The following TCERG1L variants were observed in gnomAD, a reference collection of about 807,000 sequenced individuals.
The protein encoded by TCERG1L is transcription elongation regulator 1-like protein.
In TCERG1L, 37 loss-of-function variants were observed where a neutral mutation model predicts 56.3. That is an observed-to-expected ratio of 0.66 (90% CI 0.51 to 0.87). The LOEUF (loss-of-function observed/expected upper bound fraction) is 0.87, where lower values mean the gene tolerates loss of function less well. Ranked by LOEUF, TCERG1L falls within the 40% of genes least tolerant of loss-of-function variation. The pLI is 0.00. For missense variants in TCERG1L, 799 were observed against 774.2 expected (o/e 1.03, Z -0.38); for synonymous variants, 324 against 326.3 (o/e 0.99, Z 0.08).
intron 4 of TCERG1L, among the ~76,000 whole-genome samples, chr10:131,243,147 G>A (rs1845992174): frequency 2.0e-5 from 3 of 152,176 alleles, no homozygotes; most frequent in South Asian, 2.1e-4. Context: ...TCGCCTGCAC[G>A]ATAATAACAA....
intron 4 of TCERG1L, among the ~76,000 whole-genome samples, chr10:131,236,979 C>G (rs1845919574): frequency 6.6e-6 from 1 of 152,018 alleles, no homozygotes; most frequent in African/African-American, 2.4e-5. Flanking sequence ...CCATGGTGCC[C>G]CTTTGCTCCA....
At chr10:131,241,968 G>C (rs1845978982) in intron 4 of TCERG1L, among the ~76,000 whole-genome samples, 1 of 152,060 alleles carries the variant, frequency 6.6e-6, no homozygotes, top group Admixed American at 6.6e-5. Flanking sequence ...GATTTTAAAA[G>C]GTAGTAGAGC....
chr10:131,299,731 T>C (rs1289419579), intron 3 of TCERG1L, among the ~76,000 whole-genome samples: 1 of 152,114 alleles, frequency 6.6e-6, no homozygotes, highest in Admixed American at 6.5e-5. Context: ...CTTCAAAAGG[T>C]ATAAAGTATG....
chr10:131,213,023 CCT>C (rs1395642084), intron 4 of TCERG1L, among the ~76,000 whole-genome samples: 3 of 152,178 alleles, frequency 2.0e-5, no homozygotes, highest in African/African-American at 7.2e-5. Context: ...TGAAAATGAC[CCT>C]CTCTGCCCCA....
intron 4 of TCERG1L, among the ~76,000 whole-genome samples, chr10:131,214,552 G>C (rs376792236): frequency 5.9e-5 from 9 of 152,368 alleles, no homozygotes; most frequent in African/African-American, 2.2e-4. Context: ...TGAGTGTTAA[G>C]AGGAAAATAG....
intron 9 of TCERG1L, among the ~76,000 whole-genome samples, chr10:131,112,525 C>A (rs1845421929): frequency 7.0e-6 from 1 of 142,474 alleles, no homozygotes; most frequent in Non-Finnish European, 1.6e-5. Context: ...CGGCCCTCTT[C>A]TCCTGGCCTC....
chr10:131,167,031 C>A, intron 4 of TCERG1L, 146 bp from the exon 5 acceptor site: 1 of 690,974 alleles, frequency 1.4e-6, no homozygotes, highest in Non-Finnish European at 2.4e-6. Context: ...ATTGCCCTGT[C>A]CTTGGGTTGA....
At chr10:131,169,050 G>C (rs10829940) in intron 4 of TCERG1L, among the ~76,000 whole-genome samples, 65,461 of 152,042 alleles carry the variant, frequency 0.43, 16,311 homozygotes, top group East Asian at 0.7. Flanking sequence ...CTCAGGAAGA[G>C]AAGCAGAGTC....
In TCERG1L at chr10:131,260,327, C is replaced by G. The variant is rs1443021211; in HGVS notation, c.788G>C (p.Ser263Thr). 3.4e-6 allele frequency: 5 copies of G among 1,460,488 alleles called. No homozygotes were observed. Among genetic ancestry groups the G allele is most frequent in the Non-Finnish European group, 4.5e-6 (5 of 1,109,034 alleles). The allele number at this position is 1,460,488 out of a possible 1,614,324, so 90.5% of individuals were successfully genotyped here. ...PENLRGPSPSSVQPRHFLTLA... is the reference protein window; with the variant it reads ...PENLRGPSPSTVQPRHFLTLA... ...GGTCAGGAAGTGGCGCGGCTGCACG[C>G]TGGAGGGGGACGGGCCCCGGAGGTT... Residue 263 changes from serine (S) to threonine (T), a missense_variant, in exon 4 of 12, where the codon AGC (serine) becomes ACC (threonine). By Grantham distance (58) the Ser-to-Thr change is moderately conservative. Transcript: ENST00000368642. This position sits in a 1 kb window ranked among gnomAD's most constrained non-coding sequence, Gnocchi z 5.8.
chr10:131,161,468 C>T (rs952935194), intron 6 of TCERG1L: 6 of 152,214 alleles, frequency 3.9e-5, no homozygotes, highest in African/African-American at 1.4e-4. Flanking sequence ...GCTTCCCAAA[C>T]TCTTAGAATT....
intron 4 of TCERG1L, among the ~76,000 whole-genome samples, chr10:131,171,832 A>G (rs146100540): frequency 1.8e-4 from 28 of 152,316 alleles, no homozygotes; most frequent in Admixed American, 3.3e-4. Context: ...CGGCCTCCCA[A>G]AGTGCTGGGA....
chr10:131,146,220 G>A (rs1845792491), intron 7 of TCERG1L, among the ~76,000 whole-genome samples: 1 of 152,212 alleles, frequency 6.6e-6, no homozygotes, highest in African/African-American at 2.4e-5. Flanking sequence ...GGGTAACAGT[G>A]ATGCTGGATG....
intron 3 of TCERG1L, among the ~76,000 whole-genome samples, chr10:131,290,922 C>G (rs777655143): frequency 1.1e-4 from 17 of 152,200 alleles, no homozygotes; most frequent in Non-Finnish European, 2.2e-4. Context: ...TTTAAAGGAT[C>G]TAAAAGTTAT....
At chr10:131,109,137 G>A (rs551085867) in intron 9 of TCERG1L, among the ~76,000 whole-genome samples, 1 of 152,216 alleles carries the variant, frequency 6.6e-6, no homozygotes, top group South Asian at 2.1e-4. Context: ...ACCAGGACAC[G>A]CTGTTCCTCT....
chr10:131,277,469 A>G (rs1244414746), intron 3 of TCERG1L, among the ~76,000 whole-genome samples: 1 of 152,218 alleles, frequency 6.6e-6, no homozygotes, highest in Non-Finnish European at 1.5e-5. Context: ...ATGAGCCACA[A>G]GAGAGGGCCG....
chr10:131,268,298 G>A (rs548764140), intron 3 of TCERG1L, among the ~76,000 whole-genome samples: 1 of 152,146 alleles, frequency 6.6e-6, no homozygotes, highest in Non-Finnish European at 1.5e-5. Flanking sequence ...CTGAACAGTA[G>A]GTCTCAATAA....
At chr10:131,245,902 G>A (rs1049061634) in intron 4 of TCERG1L, among the ~76,000 whole-genome samples, 1 of 152,168 alleles carries the variant, frequency 6.6e-6, no homozygotes, top group South Asian at 2.1e-4. Flanking sequence ...GGATGGGAGT[G>A]TAGGTGGAAA....
At chr10:131,248,282 C>G (rs1272485799) in intron 4 of TCERG1L, among the ~76,000 whole-genome samples, 8 of 330 alleles carry the variant, frequency 0.024, no homozygotes, top group Non-Finnish European at 0.14. Flanking sequence ...ACCCACAGGA[C>G]ACACACACAC....
At chr10:131,176,709 C>T (rs1297691617) in intron 4 of TCERG1L, among the ~76,000 whole-genome samples, 4 of 151,376 alleles carry the variant, frequency 2.6e-5, no homozygotes, top group African/African-American at 9.8e-5. Context: ...GACACGTGTA[C>T]ACCCACAGAG....
Sources: allele counts gnomAD v4.1 joint callset (sites outside exome capture counted in the v4.1 genomes callset), GRCh38; gene constraint gnomAD v4.1.1; non-coding constraint Gnocchi (gnomAD v3.1); transcripts MANE v1.5; gene names NCBI Gene and HGNC (gene_info 2026-07-23, HGNC 2026-07-21).